The following KRT78 variants were observed in gnomAD, a reference collection of about 807,000 sequenced individuals.
KRT78 encodes keratin, type II cytoskeletal 78.
A neutral mutation model predicts 51.4 loss-of-function variants in KRT78; 55 were observed. That is an observed-to-expected ratio of 1.07 (90% CI 0.86 to 1.34). KRT78 has a LOEUF of 1.34. Among genes scored for constraint, KRT78 ranks in the 40% most tolerant of loss-of-function variants. The pLI is 0.00. For synonymous variants in KRT78, 291 were observed against 264.3 expected (o/e 1.10, Z -0.98); for missense variants, 652 against 649.4 (o/e 1.00, Z -0.04).
chr12:52,847,484 A>T (rs1940669791), intron 2 of KRT78, among the ~76,000 whole-genome samples: 1 of 152,192 alleles, frequency 6.6e-6, no homozygotes, highest in African/African-American at 2.4e-5. Context: ...AGGCCTGGGG[A>T]CAGCCCCACT....
At position 52,848,215 on chromosome 12, in the gene KRT78, C is replaced by A. The variant is rs1311864991; in HGVS notation, c.385-94G>T. On this transcript the variant is annotated intron_variant, in intron 1 of 8. Coordinates refer to ENST00000304620, the MANE Select transcript of KRT78 (RefSeq NM_173352.4). ...GCCTGAGGGACCCTCCCATCAGCCT[C>A]ACCTTTCCCCTGTCCCCCTGCCCAA... is the stretch of plus-strand genomic sequence containing the variant. 5 of 1,552,036 alleles carry A rather than the reference C, an allele frequency of 3.2e-6. No individual in the cohort carries two copies. The Admixed American group carries it at 9.7e-5, about 30-fold the overall frequency.
intron 2 of KRT78, 150 bp downstream of exon 2, chr12:52,847,757 G>T: frequency 1.5e-6 from 1 of 649,560 alleles, no homozygotes; most frequent in Admixed American, 2.6e-5. Context: ...GCACCTGAGA[G>T]CCTGGGGAAT....
At chr12:52,844,281 A>C in intron 5 of KRT78, 63 bp from the exon 6 acceptor site, 9 of 1,523,150 alleles carry the variant, frequency 5.9e-6, no homozygotes, top group East Asian at 2.3e-5. Flanking sequence ...CCATCTCCTC[A>C]TGTTTGAAAA....
chr12:52,843,702 A>AAG (rs1195882474), intron 6 of KRT78, among the ~76,000 whole-genome samples: 16 of 151,218 alleles, frequency 1.1e-4, no homozygotes, highest in African/African-American at 3.7e-4. Context: ...AAAAAAAAAA[A>AAG]AAAGAAAAAG....
chr12:52,843,227 C>T (rs1940556080), intron 6 of KRT78, among the ~76,000 whole-genome samples: 1 of 150,244 alleles, frequency 6.7e-6, no homozygotes, highest in African/African-American at 2.4e-5. Flanking sequence ...ATTAGCCAAG[C>T]ATGGTGGTGA....
rs547174303 is a variant in KRT78, at chr12:52,843,109, G to A, written c.1047+984C>T. Among the ~76,000 whole-genome samples, 3 of 151,934 alleles carry A rather than the reference G, an allele frequency of 2.0e-5. No individual in the cohort carries two copies. In the South Asian group the frequency reaches 6.3e-4, roughly 32 times the overall value. ...AAGCTGGGTGCAGTGGCTCACGACT[G>A]TAATCCCACCACTTTGGGAGGCCGA... On this transcript the variant is annotated intron_variant, in intron 6 of 8. Coordinates refer to ENST00000304620, the MANE Select transcript of KRT78 (RefSeq NM_173352.4).
At chr12:52,848,400 C>G in intron 1 of KRT78, 147 bp downstream of exon 1, 1 of 1,397,482 alleles carries the variant, frequency 7.2e-7, no homozygotes, top group African/African-American at 1.4e-5. Flanking sequence ...CAGAGAGAGT[C>G]CAGTTAGTCC....
In KRT78 at chr12:52,844,201, C is replaced by T. The variant is rs770477635; in HGVS notation, c.939G>A (p.Val313=). ...LYQTKYQELQ[V]SAQLHGDRMQ... ...TCCTGTCCCCATGAAGCTGGGCAGA[C>T]ACCTGAAGTTCCTGGTACTGAGAGG... The change falls in exon 6 of 9, where the codon GTG becomes GTA. Residue 313 remains valine, a synonymous_variant. Transcript: ENST00000304620. The T allele has an allele frequency of 3.1e-6, 5 of 1,603,018 alleles. No individual in the cohort carries two copies. In the Admixed American group the frequency reaches 5.4e-5, roughly 17 times the overall value.
At chr12:52,844,770 C>G (rs2120415786) in intron 4 of KRT78, 47 bp from the exon 5 acceptor site, 1 of 1,538,522 alleles carries the variant, frequency 6.5e-7, no homozygotes, top group East Asian at 2.3e-5. Context: ...AGCTCCTTCT[C>G]CCCTTGAAGC....
intron 4 of KRT78, 188 bp downstream of exon 4, chr12:52,846,009 G>T: frequency 3.7e-6 from 2 of 543,670 alleles, no homozygotes; most frequent in Non-Finnish European, 6.5e-6. Flanking sequence ...GTTATTCATT[G>T]ATGTATCCCC....
chr12:52,845,001 C>CT (rs869047176), intron 4 of KRT78, among the ~76,000 whole-genome samples: 32 of 148,020 alleles, frequency 2.2e-4, no homozygotes, highest in Admixed American at 2.7e-4. Flanking sequence ...CCTCAGGCCT[C>CT]TTTTTTTTTT....
intron 6 of KRT78, among the ~76,000 whole-genome samples, chr12:52,842,416 G>A (rs900603334): frequency 1.3e-5 from 2 of 152,070 alleles, no homozygotes; most frequent in Admixed American, 6.5e-5. Flanking sequence ...AGCAGGAAAC[G>A]GCCTCCCTCC....
intron 6 of KRT78, among the ~76,000 whole-genome samples, chr12:52,842,950 AGAGAGAGAGAGGAAGGAAGGAAGGAAGG>A (rs201493239): frequency 0.018 from 1,978 of 110,634 alleles, 103 homozygotes; most frequent in African/African-American, 0.092. Context: ...AGAGAGAGAG[AGAGAGAGAGAGGAAGGAAGGAAGGAAGG>A]AAGGAAGGAA....
At position 52,846,306 on chromosome 12, in the gene KRT78, G is replaced by A; in HGVS notation, c.661-14C>T. 6.5e-7 allele frequency: 1 copy of A among 1,545,296 alleles called. No homozygotes were observed. ...CCCATCCACATCCTGGAGACAAGGG[G>A]AGAGAGAACACGTAACCCCCTCTTC... On this transcript the variant is annotated splice_polypyrimidine_tract_variant and intron_variant, in intron 3 of 8. Transcript: ENST00000304620.
chr12:52,843,614 C>G (rs552574558), intron 6 of KRT78, among the ~76,000 whole-genome samples: 1 of 145,690 alleles, frequency 6.9e-6, no homozygotes, highest in African/African-American at 2.6e-5. Flanking sequence ...CCCTTGAACC[C>G]GGAGGCAGAG....
At chr12:52,846,145 GC>G in intron 4 of KRT78, 51 bp downstream of exon 4, 1 of 1,315,920 alleles carries the variant, frequency 7.6e-7, no homozygotes, top group Non-Finnish European at 1.1e-6. Flanking sequence ...CAGGAAGCCT[GC>G]CCACCCAGTC....
chr12:52,848,365 T>C, intron 1 of KRT78, 182 bp downstream of exon 1: 1 of 1,423,926 alleles, frequency 7.0e-7, no homozygotes, highest in South Asian at 1.3e-5. Context: ...GCCCCAATCA[T>C]GGAACAACAG....
chr12:52,839,422 G>A (rs1279656832), intron 8 of KRT78, 31 bp downstream of exon 8: 1 of 1,610,862 alleles, frequency 6.2e-7, no homozygotes, highest in South Asian at 1.1e-5. Context: ...TCCCCATGGG[G>A]ATCCCATCCC....
Position 52,846,754 on chromosome 12 carries a change from C to G in KRT78, c.660+10G>C, listed in dbSNP as rs371678541. ...CAGAACGTAAGTGGAGCACTGGCCCCCACCCTCACCTTCTTGAGGACCACA... is the reference window on the plus strand; with the variant it reads ...CAGAACGTAAGTGGAGCACTGGCCCGCACCCTCACCTTCTTGAGGACCACA... On this transcript the variant is annotated intron_variant, in intron 3 of 8. Coordinates refer to ENST00000304620, the MANE Select transcript of KRT78 (RefSeq NM_173352.4). 12 of 1,612,646 alleles carry G rather than the reference C, an allele frequency of 7.4e-6. No individual in the cohort carries two copies. Among genetic ancestry groups the G allele is most frequent in the Non-Finnish European group, 9.3e-6 (11 of 1,179,140 alleles).
Sources: allele counts gnomAD v4.1 joint callset (sites outside exome capture counted in the v4.1 genomes callset), GRCh38; gene constraint gnomAD v4.1.1; transcripts MANE v1.5; gene names NCBI Gene and HGNC (gene_info 2026-07-23, HGNC 2026-07-21).